The following MGAT4C variants were observed in gnomAD, a reference collection of about 807,000 sequenced individuals.
MGAT4C encodes the protein alpha-1,3-mannosyl-glycoprotein 4-beta-N-acetylglucosaminyltransferase C.
MGAT4C carries 19 observed loss-of-function variants against 40.1 expected under a neutral mutation model. The observed-to-expected ratio is 0.47, with a 90% CI of 0.33 to 0.70. The LOEUF is 0.70. MGAT4C is among the 30% of genes least tolerant of loss of function. The pLI is 0.02. For synonymous variants in MGAT4C, 181 were observed against 187.1 expected (o/e 0.97, Z 0.27); for missense variants, 491 against 563.2 (o/e 0.87, Z 1.30).
chr12:86,452,353 C>T (rs1957437893), intron 2 of MGAT4C, among the ~76,000 whole-genome samples: 1 of 151,116 alleles, frequency 6.6e-6, no homozygotes. Context: ...CTATCCCACC[C>T]TCCCCCACCC....
chr12:86,282,668 T>C (rs79950677), intron 4 of MGAT4C, among the ~76,000 whole-genome samples: 10,379 of 152,112 alleles, frequency 0.068, 495 homozygotes, highest in Middle Eastern at 0.14. Context: ...TTAACTGTGC[T>C]CCTTTAAAGT....
intron 2 of MGAT4C, among the ~76,000 whole-genome samples, chr12:86,574,478 C>T (rs1209683023): frequency 6.6e-6 from 1 of 151,710 alleles, no homozygotes; most frequent in Non-Finnish European, 1.5e-5. Flanking sequence ...TTAAGTAATC[C>T]TCTCAATCTT....
intron 2 of MGAT4C, among the ~76,000 whole-genome samples, chr12:86,613,430 G>C (rs1273192884): frequency 6.6e-6 from 1 of 152,058 alleles, no homozygotes; most frequent in African/African-American, 2.4e-5. Flanking sequence ...TAAGTATTGG[G>C]ACTTAATTAG....
intron 2 of MGAT4C, among the ~76,000 whole-genome samples, chr12:86,470,753 T>C (rs1030685365): frequency 2.0e-5 from 3 of 152,172 alleles, no homozygotes; most frequent in Admixed American, 6.6e-5. Context: ...ATAGTTATTA[T>C]TGTAATCATA....
chr12:86,732,878 C>CAGA (rs553218268), intron 1 of MGAT4C, among the ~76,000 whole-genome samples: 20 of 151,184 alleles, frequency 1.3e-4, no homozygotes, highest in African/African-American at 4.8e-4. Context: ...AGCCATACTG[C>CAGA]AGAAAGGTGT....
At chr12:86,140,256 G>T (rs1882644630) in intron 1 of MGAT4C, among the ~76,000 whole-genome samples, 1 of 152,002 alleles carries the variant, frequency 6.6e-6, no homozygotes, top group Admixed American at 6.6e-5. Flanking sequence ...CCCTCATATT[G>T]CTGTAATTAC....
chr12:86,814,116 T>C (rs1246168699), intron 1 of MGAT4C, among the ~76,000 whole-genome samples: 1 of 151,938 alleles, frequency 6.6e-6, no homozygotes, highest in Non-Finnish European at 1.5e-5. Context: ...TTCACCGTGT[T>C]GCCCAGGCTG....
intron 4 of MGAT4C, among the ~76,000 whole-genome samples, chr12:86,315,173 C>T (rs1033167343): frequency 2.0e-5 from 3 of 151,812 alleles, no homozygotes; most frequent in Non-Finnish European, 4.4e-5. Context: ...ACACATAGAC[C>T]AACGAAACAG....
At chr12:86,457,470 T>A in intron 2 of MGAT4C, among the ~76,000 whole-genome samples, 1 of 152,166 alleles carries the variant, frequency 6.6e-6, no homozygotes, top group Non-Finnish European at 1.5e-5. Context: ...TGAATAGATT[T>A]ATTCAGCTTA....
intron 1 of MGAT4C, among the ~76,000 whole-genome samples, chr12:86,151,494 T>A (rs1230590361): frequency 6.6e-6 from 1 of 151,946 alleles, no homozygotes; most frequent in Non-Finnish European, 1.5e-5. Flanking sequence ...GCACCTGTAG[T>A]CCCAGCTACT....
chr12:86,068,497 G>T (rs376623546), intron 1 of MGAT4C: 6 of 150,236 alleles, frequency 4.0e-5, no homozygotes, highest in Admixed American at 6.7e-5. Context: ...AGTCATAACT[G>T]CTTCTGTTTT....
At position 85,960,310 on chromosome 12, in the gene MGAT4C, C is replaced by T. The variant is rs1052930442; in HGVS notation, c.*18979G>A. ...GATTTTCTCATTGAATAAGAGAATC[C>T]GAACTGGCATCGAGGATATCTAATT... On this transcript the variant is annotated 3_prime_UTR_variant, in exon 5 of 5. Coordinates refer to ENST00000611864, the MANE Select transcript of MGAT4C (RefSeq NM_001351288.2). 2.6e-5 allele frequency: 4 copies of T among 151,766 alleles called. No individual in the cohort carries two copies. The highest frequency in any genetic ancestry group is 5.9e-5 in the Non-Finnish European group (4 of 67,866). 9.4% of individuals were successfully genotyped at this position (151,766 alleles called of 1,614,324 possible).
intron 1 of MGAT4C, among the ~76,000 whole-genome samples, chr12:86,815,624 T>C (rs1952586632): frequency 6.6e-6 from 1 of 151,222 alleles, no homozygotes; most frequent in African/African-American, 2.4e-5. Context: ...AAGGAAACTG[T>C]GATATTATAT....
chr12:86,725,692 A>C (rs1197288152), intron 2 of MGAT4C, among the ~76,000 whole-genome samples: 2 of 152,108 alleles, frequency 1.3e-5, no homozygotes, highest in Non-Finnish European at 2.9e-5. Flanking sequence ...AAAACTCCTG[A>C]GCTCAGGAAA....
chr12:86,411,456 C>T (rs1956603601), intron 3 of MGAT4C, among the ~76,000 whole-genome samples: 1 of 152,146 alleles, frequency 6.6e-6, no homozygotes, highest in Non-Finnish European at 1.5e-5. Context: ...AGCATTGTGC[C>T]TCTGAACTAG....
intron 1 of MGAT4C, among the ~76,000 whole-genome samples, chr12:86,158,202 T>C (rs1008642925): frequency 1.3e-5 from 2 of 152,076 alleles, no homozygotes; most frequent in Admixed American, 6.6e-5. Flanking sequence ...CCAGAGCACA[T>C]AGGGAGACTC....
chr12:86,325,772 G>C (rs60208672), intron 4 of MGAT4C, among the ~76,000 whole-genome samples: 14,587 of 152,040 alleles, frequency 0.096, 1,705 homozygotes, highest in East Asian at 0.29. Flanking sequence ...AGCTACCCAG[G>C]AGGCTGAAGC....
intron 2 of MGAT4C, among the ~76,000 whole-genome samples, chr12:86,576,397 T>C (rs1308656665): frequency 1.3e-5 from 2 of 151,906 alleles, no homozygotes; most frequent in Non-Finnish European, 2.9e-5. Context: ...CAGAAATCTT[T>C]GCCCAGACCA....
chr12:86,018,260 C>CA (rs1889293704), intron 2 of MGAT4C, among the ~76,000 whole-genome samples: 1 of 152,142 alleles, frequency 6.6e-6, no homozygotes, highest in African/African-American at 2.4e-5. Context: ...CCCCAAGGCA[C>CA]TAAACTGTAA....
Sources: allele counts gnomAD v4.1 joint callset (sites outside exome capture counted in the v4.1 genomes callset), GRCh38; gene constraint gnomAD v4.1.1; transcripts MANE v1.5; gene names NCBI Gene and HGNC (gene_info 2026-07-23, HGNC 2026-07-21).